RFX7: variants seen among roughly 807,000 people sequenced by gnomAD.
RFX7 encodes DNA-binding protein RFX7.
RFX7 carries 26 observed loss-of-function variants against 111.8 expected under a neutral mutation model. The observed-to-expected ratio is 0.23, with a 90% confidence interval of 0.17 to 0.32. RFX7 has a LOEUF of 0.32. RFX7 is among the 10% of genes least tolerant of loss of function. The pLI, the probability that RFX7 is intolerant of heterozygous loss-of-function variation, is 1.00. For missense variants in RFX7, 1,573 were observed against 1,772.9 expected (o/e 0.89, Z 2.02); for synonymous variants, 624 against 624.4 (o/e 1.00, Z 0.01).
chr15:56,237,241 T>C (rs2043633504), intron 2 of RFX7, among the ~76,000 whole-genome samples: 1 of 152,156 alleles, frequency 6.6e-6, no homozygotes, highest in Non-Finnish European at 1.5e-5. Flanking sequence ...ACCTTGACAC[T>C]TGTCACTTCT....
intron 3 of RFX7, among the ~76,000 whole-genome samples, chr15:56,157,575 A>G (rs1364099784): frequency 6.6e-6 from 1 of 152,208 alleles, no homozygotes; most frequent in Non-Finnish European, 1.5e-5. Context: ...AATTTAGGAA[A>G]AAAACCTAAC....
intron 5 of RFX7, among the ~76,000 whole-genome samples, chr15:56,129,535 T>TGA (rs140224428): frequency 1.1e-3 from 170 of 152,272 alleles, no homozygotes; most frequent in African/African-American, 4.0e-3. Flanking sequence ...AAAAAACTGT[T>TGA]GAACCTATGT....
chr15:56,198,886 G>A (rs1461693732), intron 2 of RFX7, among the ~76,000 whole-genome samples: 1 of 152,030 alleles, frequency 6.6e-6, no homozygotes, highest in East Asian at 1.9e-4. Flanking sequence ...AGGGGACTGG[G>A]TGTGGTGGCT....
At position 56,212,552 on chromosome 15, in the gene RFX7, A is replaced by G. The variant is rs56868340; in HGVS notation, c.161+30573T>C. On this transcript the variant is annotated intron_variant, in intron 2 of 9. Transcript: ENST00000559447. ...AAGGTAAACCAGTTTTAACAACTGT[A>G]CCACTCTAATGTAGGATGTTGATAA... Among the ~76,000 whole-genome samples, 776 of 152,294 alleles carry G rather than the reference A, an allele frequency of 5.1e-3. 11 individuals carry two copies. Among genetic ancestry groups the G allele is most frequent in the African/African-American group, 0.018 (749 of 41,554 alleles).
At chr15:56,176,368 C>T (rs1006193828) in intron 3 of RFX7, among the ~76,000 whole-genome samples, 2 of 152,070 alleles carry the variant, frequency 1.3e-5, no homozygotes, top group Admixed American at 1.3e-4. Context: ...TATACGTAGT[C>T]AAACTGTTAA....
chr15:56,094,420 G>C lies in RFX7; in HGVS notation c.3308C>G (p.Pro1103Arg). 6.2e-7 allele frequency: 1 copy of C among 1,613,962 alleles called. No homozygotes were observed. Among genetic ancestry groups the C allele is most frequent in the Non-Finnish European group, 8.5e-7 (1 of 1,179,878 alleles). Reference sequence around the variant, plus strand: ...GGATTGAGACTGATAAGACTGTCCAGGCACAGCAAAAGCATGAGGTTTCCT... The same window carrying C: ...GGATTGAGACTGATAAGACTGTCCACGCACAGCAAAAGCATGAGGTTTCCT... ...RFRKPHAFAV[P>R]GQSYQSQSRH... The change falls in exon 10 of 10, where the codon CCT (proline) becomes CGT (arginine). Residue 1103 changes from proline to arginine, a missense_variant. This residue lies in a region of RFX7 where 411 missense variants were observed against 478.1 expected (regional missense o/e 0.86). Transcript: ENST00000559447.
intron 2 of RFX7, among the ~76,000 whole-genome samples, chr15:56,229,972 C>T (rs1206309078): frequency 6.6e-6 from 1 of 152,124 alleles, no homozygotes; most frequent in Non-Finnish European, 1.5e-5. Context: ...CCAAATAAAT[C>T]TACCTCCTTC....
At chr15:56,119,026 A>C (rs2042042991) in intron 5 of RFX7, among the ~76,000 whole-genome samples, 2 of 152,260 alleles carry the variant, frequency 1.3e-5, no homozygotes, top group Admixed American at 1.3e-4. Context: ...TGCCCATTTT[A>C]AATCAAATTA....
chr15:56,174,322 T>C (rs770923666), intron 3 of RFX7, among the ~76,000 whole-genome samples: 3 of 151,928 alleles, frequency 2.0e-5, no homozygotes, highest in African/African-American at 4.8e-5. Context: ...GAAAAAAATA[T>C]AAGATCTAGA....
At chr15:56,230,942 A>G (rs974610188) in intron 2 of RFX7, among the ~76,000 whole-genome samples, 4 of 152,124 alleles carry the variant, frequency 2.6e-5, no homozygotes, top group African/African-American at 9.7e-5. Context: ...AAAATACAAA[A>G]ACAAAATTAG....
At chr15:56,111,160 A>C in intron 5 of RFX7, among the ~76,000 whole-genome samples, 1 of 140,622 alleles carries the variant, frequency 7.1e-6, no homozygotes, top group African/African-American at 2.6e-5. Context: ...CCAACAGCTC[A>C]TTGAGAACGG....
chr15:56,212,654 T>C (rs528770483), intron 2 of RFX7, among the ~76,000 whole-genome samples: 15 of 152,262 alleles, frequency 9.9e-5, no homozygotes, highest in African/African-American at 3.4e-4. Context: ...TGTGTGAATC[T>C]GAAACTGCTC....
chr15:56,219,010 A>G (rs770363402), intron 2 of RFX7, among the ~76,000 whole-genome samples: 1 of 152,206 alleles, frequency 6.6e-6, no homozygotes, highest in African/African-American at 2.4e-5. Context: ...ACTGGGAGAA[A>G]AAGAGTGAAA....
intron 5 of RFX7, among the ~76,000 whole-genome samples, chr15:56,117,969 T>G (rs2042030293): frequency 6.6e-6 from 1 of 152,134 alleles, no homozygotes. Context: ...ATTTCTTTCC[T>G]TTGGCTAAAT....
chr15:56,148,733 G>A (rs1187949087), intron 3 of RFX7, among the ~76,000 whole-genome samples: 2 of 152,144 alleles, frequency 1.3e-5, no homozygotes, highest in Non-Finnish European at 2.9e-5. Flanking sequence ...GTAGTCATGT[G>A]ATTATTATGA....
intron 5 of RFX7, among the ~76,000 whole-genome samples, chr15:56,115,284 T>C (rs1201049701): frequency 6.6e-6 from 1 of 152,116 alleles, no homozygotes; most frequent in African/African-American, 2.4e-5. Context: ...AGTGCTGGCA[T>C]TACAGGGGTG....
chr15:56,242,632 T>C (rs1454125154), intron 2 of RFX7, among the ~76,000 whole-genome samples: 5 of 152,152 alleles, frequency 3.3e-5, no homozygotes, highest in African/African-American at 1.2e-4. Context: ...GGCAAAAACA[T>C]TCAGAAATAG....
At chr15:56,110,327 GT>G (rs2041905741) in intron 5 of RFX7, among the ~76,000 whole-genome samples, 1 of 94,856 alleles carries the variant, frequency 1.1e-5, no homozygotes, top group African/African-American at 3.8e-5. Flanking sequence ...TGGGGGGGGG[GT>G]CAGCCCCCCG....
At chr15:56,104,926 G>C (rs2041810480) in intron 5 of RFX7, among the ~76,000 whole-genome samples, 1 of 152,166 alleles carries the variant, frequency 6.6e-6, no homozygotes, top group African/African-American at 2.4e-5. Context: ...TTTAAATTGA[G>C]ACTAAATTTG....
Sources: gnomAD v4.1 joint callset for allele counts (sites outside exome capture counted in the v4.1 genomes callset) on GRCh38, gnomAD v4.1.1 for gene constraint, gnomAD v4.1.1 regional missense constraint, MANE v1.5 for transcripts, NCBI Gene and HGNC (gene_info 2026-07-23, HGNC 2026-07-21) for gene names.